The following PCDHGA6 variants were observed in gnomAD, a reference collection of about 807,000 sequenced individuals.
PCDHGA6 encodes the protein protocadherin gamma subfamily A, 6.
Under a neutral mutation model 60.6 loss-of-function variants are expected in PCDHGA6, and 41 were observed. The observed-to-expected ratio is 0.68, with a 90% CI of 0.53 to 0.88. PCDHGA6 has a LOEUF of 0.88. Ranked by LOEUF, PCDHGA6 falls within the 40% of genes least tolerant of loss-of-function variation. The pLI, the probability that PCDHGA6 is intolerant of heterozygous loss-of-function variation, is 0.00. For synonymous variants in PCDHGA6, 594 were observed against 524.4 expected (o/e 1.13, Z -1.81); for missense variants, 1,312 against 1,203.0 (o/e 1.09, Z -1.34).
At chr5:141,400,665 G>C (rs1463001564) in intron 1 of PCDHGA6, 5 of 984,364 alleles carry the variant, frequency 5.1e-6, no homozygotes, top group Non-Finnish European at 7.6e-6. Flanking sequence ...CATTCTTTAA[G>C]AGGAGCAGTA....
intron 1 of PCDHGA6, chr5:141,403,602 G>A (rs761454619): frequency 5.0e-6 from 8 of 1,613,800 alleles, no homozygotes; most frequent in Non-Finnish European, 5.9e-6. Context: ...GCCTCGGATG[G>A]CGGCGAGCCG....
At position 141,374,116 on chromosome 5, in the gene PCDHGA6, C is replaced by G. The variant is rs1328761924; in HGVS notation, c.33C>G (p.Ser11Arg). ...CTCCGCAGAGGCATCCGCAGCGCAG[C>G]GAGCAGGTCCTGCTCCTCACGCTCC... MAPPQRHPQRSEQVLLLTLLG... is the reference protein window; with the variant it reads MAPPQRHPQRREQVLLLTLLG... The change falls in exon 1 of 4, where the codon AGC becomes AGG. Residue 11 changes from serine to arginine, a missense_variant. Transcript: ENST00000517434. 5.7e-6 allele frequency: 9 copies of G among 1,580,694 alleles called. No homozygotes were observed. Among genetic ancestry groups the G allele is most frequent in the Non-Finnish European group, 8.6e-7 (1 of 1,161,170 alleles).
In PCDHGA6 at chr5:141,431,318, G is replaced by T. The variant is rs1309389474; in HGVS notation, c.2424+54811G>T. The T allele has an allele frequency of 6.2e-7, 1 of 1,614,086 alleles. No individual in the cohort carries two copies. Among genetic ancestry groups the T allele is most frequent in the African/African-American group, 1.3e-5 (1 of 75,050 alleles). ...CTCCCTCATCGTGCAAAATGGAGCCGACGGTAGTAAGTACCCCGAATTGGT... is the reference window on the plus strand; with the variant it reads ...CTCCCTCATCGTGCAAAATGGAGCCTACGGTAGTAAGTACCCCGAATTGGT... On this transcript the variant is annotated intron_variant, in intron 1 of 3. Coordinates refer to ENST00000517434, the MANE Select transcript of PCDHGA6 (RefSeq NM_018919.3). The surrounding 1 kb of genome is among the most constrained non-coding windows in gnomAD (Gnocchi z 4.8).
chr5:141,394,276 C>T, intron 1 of PCDHGA6: 2 of 1,613,976 alleles, frequency 1.2e-6, no homozygotes, highest in South Asian at 1.1e-5. Flanking sequence ...GCCCAGGTCA[C>T]TTACTCTGTG....
intron 1 of PCDHGA6, chr5:141,423,648 G>A (rs1291261924): frequency 2.5e-6 from 4 of 1,590,008 alleles, no homozygotes; most frequent in Middle Eastern, 1.7e-4. Flanking sequence ...AATGTGACCC[G>A]ACAAGTAATC....
intron 1 of PCDHGA6, chr5:141,377,877 A>T (rs2150119118): frequency 6.6e-6 from 1 of 152,320 alleles, no homozygotes; most frequent in South Asian, 2.1e-4. Flanking sequence ...TTCTCTTATC[A>T]GAGATAGGAT....
chr5:141,443,288 C>T (rs2098378643), intron 1 of PCDHGA6, among the ~76,000 whole-genome samples: 1 of 150,180 alleles, frequency 6.7e-6, no homozygotes, highest in Non-Finnish European at 1.5e-5. Context: ...TGAGACCAGC[C>T]TGGACAGCAT....
In PCDHGA6 at chr5:141,462,600, A is replaced by G. The variant is rs2154567827; in HGVS notation, c.2425-32207A>G. ...ATCCAGTGAAGTTTCCATTTCATAT[A>G]TTGTATTTTTCACTTTTAGAAGTTC... is the stretch of plus-strand genomic sequence containing the variant. On this transcript the variant is annotated intron_variant, in intron 1 of 3. Coordinates refer to ENST00000517434, the MANE Select transcript of PCDHGA6 (RefSeq NM_018919.3). Among the ~76,000 whole-genome samples, 6 of 152,076 alleles carry G rather than the reference A, an allele frequency of 3.9e-5. No homozygotes were observed. In the Middle Eastern group the frequency reaches 0.014, roughly 345 times the overall value.
chr5:141,507,397 AC>A (rs1163501030), intron 3 of PCDHGA6: 1 of 152,144 alleles, frequency 6.6e-6, no homozygotes. Flanking sequence ...TGGCAACTCT[AC>A]CCCAGATGTC....
chr5:141,421,905 A>C, intron 1 of PCDHGA6: 1 of 1,613,752 alleles, frequency 6.2e-7, no homozygotes, highest in Non-Finnish European at 8.5e-7. Context: ...GAAAGGGCGC[A>C]GTTCCCATTC....
intron 1 of PCDHGA6, among the ~76,000 whole-genome samples, chr5:141,438,614 A>G (rs1208036297): frequency 5.8e-5 from 2 of 34,396 alleles, no homozygotes. Context: ...ATATATATAT[A>G]TATATATATA....
chr5:141,459,992 C>T (rs1327580257), intron 1 of PCDHGA6, among the ~76,000 whole-genome samples: 1 of 152,126 alleles, frequency 6.6e-6, no homozygotes, highest in Admixed American at 6.5e-5. Flanking sequence ...ACAGGAGAAT[C>T]GCTTGAACCC....
At chr5:141,498,954 A>G (rs1180380627) in intron 2 of PCDHGA6, among the ~76,000 whole-genome samples, 2 of 134,538 alleles carry the variant, frequency 1.5e-5, no homozygotes, top group Non-Finnish European at 3.2e-5. Context: ...AGAAAAAGAG[A>G]GAGAGGGAGG....
rs377367120 is a variant in PCDHGA6, at chr5:141,431,614, C to A, written c.2424+55107C>A. On this transcript the variant is annotated intron_variant, in intron 1 of 3. Transcript: ENST00000517434. The surrounding 1 kb of genome is among the most constrained non-coding windows in gnomAD (Gnocchi z 4.8). ...TGAGGTATTCCTTCCGGTATGTGGA[C>A]GACAAGGCGGCCCAAGTTTTCAAAC... The A allele has an allele frequency of 8.7e-6, 14 of 1,614,206 alleles. No individual in the cohort carries two copies. In the African/African-American group the frequency reaches 1.6e-4, roughly 18 times the overall value.
rs748223478 is a variant in PCDHGA6 at position 141,415,687 on chromosome 5, G to T, written c.2424+39180G>T. ...TTACTTTGAAGTTTGCGGCATGATG[G>T]TGGAAAGTGTAAATGCTAAAACACT... On this transcript the variant is annotated intron_variant, in intron 1 of 3. Coordinates refer to ENST00000517434, the MANE Select transcript of PCDHGA6 (RefSeq NM_018919.3). 1.1e-5 allele frequency: 17 copies of T among 1,535,300 alleles called. No individual in the cohort carries two copies. In the South Asian group the frequency reaches 1.3e-4, roughly 12 times the overall value.
chr5:141,463,373 GTCTGAAAGTT>G (rs1463437299), intron 1 of PCDHGA6, among the ~76,000 whole-genome samples: 1 of 147,058 alleles, frequency 6.8e-6, no homozygotes, highest in Non-Finnish European at 1.5e-5. Context: ...CTGCCCCACA[GTCTGAAAGTT>G]GTCTCCAGGC....
At chr5:141,428,188 G>T in intron 1 of PCDHGA6, 1 of 1,433,356 alleles carries the variant, frequency 7.0e-7, no homozygotes. Flanking sequence ...GACAGCCGCC[G>T]CTCTCTGCGC....
At position 141,388,041 on chromosome 5, in the gene PCDHGA6, G is replaced by C. The variant is rs2091214564; in HGVS notation, c.2424+11534G>C. The C allele has an allele frequency of 2.1e-6, 3 of 1,416,086 alleles. No homozygotes were observed. The African/African-American group carries it at 4.3e-5, about 20-fold the overall frequency. The allele number at this position is 1,416,086 out of a possible 1,614,324, so 87.7% of individuals were successfully genotyped here. ...CTCCGTAGTGGGGAACCTCGCCACG[G>C]ACCTGGGGTTCAGCGTCCAGGAGTT... On this transcript the variant is annotated intron_variant, in intron 1 of 3. Transcript: ENST00000517434.
intron 1 of PCDHGA6, 82 bp downstream of exon 1, chr5:141,376,589 C>G: frequency 6.4e-7 from 1 of 1,568,198 alleles, no homozygotes; most frequent in Non-Finnish European, 8.7e-7. Flanking sequence ...TCAGCTAGAT[C>G]GGCTGTTATA....
Sources: allele counts gnomAD v4.1 joint callset (sites outside exome capture counted in the v4.1 genomes callset), GRCh38; gene constraint gnomAD v4.1.1; non-coding constraint Gnocchi (gnomAD v3.1); transcripts MANE v1.5; gene names NCBI Gene and HGNC (gene_info 2026-07-23, HGNC 2026-07-21).